Variants in GALNT5 observed in about 807,000 individuals in gnomAD.
The protein encoded by GALNT5 is UDP-GalNAc:polypeptide N-acetylgalactosaminyltransferase 5.
In GALNT5, 72 loss-of-function variants were observed where a neutral mutation model predicts 85.4. The observed-to-expected ratio is 0.84, with a 90% CI of 0.70 to 1.03. GALNT5 has a LOEUF of 1.03. GALNT5 is among the 50% of genes least tolerant of loss of function. The probability of loss-of-function intolerance (pLI) is 0.00; values close to 1 mark genes in which losing one functional copy is unlikely to be tolerated. For synonymous variants in GALNT5, 404 were observed against 397.0 expected (o/e 1.02, Z -0.21); for missense variants, 1,137 against 1,135.5 (o/e 1.00, Z -0.02).
rs188956672 is a variant in GALNT5 at position 157,315,529 on chromosome 2, C to T, written c.*4181C>T. ...GTATTGAGATGAGATTGAATTAAAC[C>T]CCTTTGGCCTCTTTTGGATGTTGTA... On this transcript the variant is annotated 3_prime_UTR_variant, in exon 10 of 10. Transcript: ENST00000259056. Among the ~76,000 whole-genome samples the T allele has an allele frequency of 3.3e-5, 5 of 151,982 alleles. No individual in the cohort carries two copies. The highest frequency in any genetic ancestry group is 2.0e-4 in the Admixed American group (3 of 15,248).
chr2:157,267,985 G>A (rs1032932834), intron 1 of GALNT5, among the ~76,000 whole-genome samples: 1 of 152,208 alleles, frequency 6.6e-6, no homozygotes, highest in Non-Finnish European at 1.5e-5. Flanking sequence ...CCCAGGCAGA[G>A]CTCTTCAGCT....
chr2:157,286,798 A>T (rs561645759), intron 3 of GALNT5, among the ~76,000 whole-genome samples: 1 of 152,090 alleles, frequency 6.6e-6, no homozygotes, highest in East Asian at 1.9e-4. Context: ...ATGTTTTTTT[A>T]AATTCGGGAA....
At chr2:157,265,733 A>C (rs893277435) in intron 1 of GALNT5, among the ~76,000 whole-genome samples, 10 of 152,186 alleles carry the variant, frequency 6.6e-5, no homozygotes, top group African/African-American at 2.4e-4. Context: ...GAGAGAAACA[A>C]CTTTTTTGCT....
chr2:157,279,525 T>G (rs1383578652), intron 1 of GALNT5, among the ~76,000 whole-genome samples: 1 of 152,204 alleles, frequency 6.6e-6, no homozygotes, highest in Non-Finnish European at 1.5e-5. Flanking sequence ...TCAGCAATGG[T>G]GGACGTCCCT....
intron 9 of GALNT5, among the ~76,000 whole-genome samples, chr2:157,309,526 C>G (rs1032495280): frequency 2.0e-5 from 3 of 152,114 alleles, no homozygotes; most frequent in Non-Finnish European, 4.4e-5. Context: ...TCAGAATTGC[C>G]TTCTTAAATT....
At position 157,259,082 on chromosome 2, in the gene GALNT5, G is replaced by A; in HGVS notation, c.1000G>A (p.Asp334Asn). 1 of 1,478,468 alleles carries A rather than the reference G, an allele frequency of 6.8e-7. No homozygotes were observed. Among genetic ancestry groups the A allele is most frequent in the South Asian group, 1.6e-5 (1 of 63,796 alleles). 91.6% of individuals were successfully genotyped at this position (1,478,468 alleles called of 1,614,324 possible). Residue 334 changes from aspartate to asparagine, a missense_variant, in exon 1 of 10, where the codon GAC becomes AAC. Transcript: ENST00000259056. ...IITKEEEQKA[D>N]PKEVSNSKTK... Reference sequence around the variant, plus strand: ...AACCAAAGAGGAAGAGCAAAAGGCAGACCCCAAAGAGGTCTCTAATTCTAA... The same window carrying A: ...AACCAAAGAGGAAGAGCAAAAGGCAAACCCCAAAGAGGTCTCTAATTCTAA...
At chr2:157,283,370 C>G (rs1451730626) in intron 1 of GALNT5, among the ~76,000 whole-genome samples, 5 of 152,068 alleles carry the variant, frequency 3.3e-5, no homozygotes, top group African/African-American at 1.2e-4. Flanking sequence ...GTGGCACAGG[C>G]AGGGGGTGAA....
chr2:157,289,842 C>T (rs933836894), intron 3 of GALNT5, among the ~76,000 whole-genome samples: 1 of 152,054 alleles, frequency 6.6e-6, no homozygotes, highest in African/African-American at 2.4e-5. Context: ...GAGGCCAAGG[C>T]AGGCAGATCA....
chr2:157,273,629 G>GTTTTTT (rs1682644348), intron 1 of GALNT5, among the ~76,000 whole-genome samples: 1 of 38,008 alleles, frequency 2.6e-5, no homozygotes, highest in Non-Finnish European at 4.4e-5. Context: ...CATATTTCTT[G>GTTTTTT]CTTTTTTTTT....
rs1314392705 is a variant in GALNT5 at position 157,317,024 on chromosome 2, A to ATATT, written c.*5679_*5682dup. 1.3e-5 allele frequency among the ~76,000 whole-genome samples: 2 copies of ATATT among 151,784 alleles called. No individual in the cohort carries two copies. Among genetic ancestry groups the ATATT allele is most frequent in the Non-Finnish European group, 2.9e-5 (2 of 67,918 alleles). Reference sequence around the variant, plus strand: ...TTTCTGTTTTATTATTGATTGACAGATATTTACCAGTTTAAGGATATTGGT... The same window carrying ATATT: ...TTTCTGTTTTATTATTGATTGACAGATATTTATTTACCAGTTTAAGGATATTGGT... On this transcript the variant is annotated 3_prime_UTR_variant, in exon 10 of 10. Coordinates refer to ENST00000259056, the MANE Select transcript of GALNT5 (RefSeq NM_014568.3).
intron 9 of GALNT5, among the ~76,000 whole-genome samples, chr2:157,309,829 T>C (rs949895861): frequency 6.6e-6 from 1 of 152,158 alleles, no homozygotes; most frequent in Non-Finnish European, 1.5e-5. Flanking sequence ...GTAATAATGG[T>C]TATTATTGAG....
intron 3 of GALNT5, among the ~76,000 whole-genome samples, chr2:157,295,247 T>C (rs1285127908): frequency 6.6e-6 from 1 of 152,178 alleles, no homozygotes; most frequent in Non-Finnish European, 1.5e-5. Flanking sequence ...TTGTGTGAAG[T>C]AATTTTTCCT....
chr2:157,296,387 G>A lies in GALNT5; in HGVS notation c.1878-7G>A, dbSNP rs773260231. 3 of 1,604,590 alleles carry A rather than the reference G, an allele frequency of 1.9e-6. No homozygotes were observed. The South Asian group carries it at 3.3e-5, about 18-fold the overall frequency. On this transcript the variant is annotated splice_polypyrimidine_tract_variant and splice_region_variant and intron_variant, in intron 4 of 9. Transcript: ENST00000259056. ...GATAACACTTTGTTTTTCATTTCCT[G>A]GATTAGTTACATGACAGTGGATAAC...
chr2:157,282,837 A>C (rs915394606), intron 1 of GALNT5, among the ~76,000 whole-genome samples: 2 of 152,214 alleles, frequency 1.3e-5, no homozygotes, highest in African/African-American at 2.4e-5. Flanking sequence ...CCAAGATTTG[A>C]AGAAGTGTAT....
intron 3 of GALNT5, among the ~76,000 whole-genome samples, chr2:157,287,595 G>GT (rs1558897790): frequency 6.6e-6 from 1 of 152,070 alleles, no homozygotes; most frequent in Non-Finnish European, 1.5e-5. Flanking sequence ...TCAAGATTTC[G>GT]TAATGTTTTA....
chr2:157,305,684 G>A (rs910765658), intron 7 of GALNT5, 65 bp from the exon 8 acceptor site: 6 of 885,070 alleles, frequency 6.8e-6, no homozygotes, highest in Non-Finnish European at 1.1e-5. Context: ...TTTTCTAAAT[G>A]TGTCTGAATG....
intron 3 of GALNT5, among the ~76,000 whole-genome samples, chr2:157,291,631 C>CCT (rs1683101768): frequency 1.6e-5 from 1 of 63,260 alleles, no homozygotes; most frequent in African/African-American, 4.2e-5. Context: ...ATGTTACCAC[C>CCT]CACCCCCCCC....
At chr2:157,275,000 T>C (rs1348868117) in intron 1 of GALNT5, among the ~76,000 whole-genome samples, 1 of 152,246 alleles carries the variant, frequency 6.6e-6, no homozygotes, top group Admixed American at 6.5e-5. Flanking sequence ...CTTGAATTAA[T>C]TTTTGTATAA....
Position 157,314,948 on chromosome 2 carries a change from G to A in GALNT5, c.*3600G>A, listed in dbSNP as rs189614451. The stretch of plus-strand genomic sequence containing the variant: ...CAAAAATTAGCTGGGCATGGTGGTG[G>A]GCGCCTGTAATCCCAGCTACCTGGG... On this transcript the variant is annotated 3_prime_UTR_variant, in exon 10 of 10. Coordinates refer to ENST00000259056, the MANE Select transcript of GALNT5 (RefSeq NM_014568.3). 3.0e-3 allele frequency among the ~76,000 whole-genome samples: 455 copies of A among 152,098 alleles called. No homozygotes were observed. Among genetic ancestry groups the A allele is most frequent in the African/African-American group, 0.011 (437 of 41,504 alleles).
Sources: allele counts gnomAD v4.1 joint callset (sites outside exome capture counted in the v4.1 genomes callset), GRCh38; gene constraint gnomAD v4.1.1; transcripts MANE v1.5; gene names NCBI Gene and HGNC (gene_info 2026-07-23, HGNC 2026-07-21).